Variants in EDDM3A observed in about 807,000 individuals in gnomAD.
EDDM3A encodes epididymal protein 3A.
For synonymous variants in EDDM3A, 75 were observed against 60.4 expected (o/e 1.24, Z -1.12); for missense variants, 199 against 177.4 (o/e 1.12, Z -0.69).
chr14:20,740,579 G>C, the EDDM3A span, among the ~76,000 whole-genome samples: 1 of 152,170 alleles, frequency 6.6e-6, no homozygotes, highest in Non-Finnish European at 1.5e-5. Context: ...TTACCAATTG[G>C]AAGGAGCACA....
At chr14:20,746,276 G>A (rs1275293345) in intron 1 of EDDM3A, among the ~76,000 whole-genome samples, 1 of 152,106 alleles carries the variant, frequency 6.6e-6, no homozygotes, top group Non-Finnish European at 1.5e-5. Context: ...GAGGAACCCT[G>A]TGCCTGATGT....
chr14:20,746,723 T>C (rs572326554), intron 1 of EDDM3A, among the ~76,000 whole-genome samples: 3 of 152,300 alleles, frequency 2.0e-5, no homozygotes, highest in East Asian at 3.9e-4. Flanking sequence ...GAAAGTGTTA[T>C]AAGGAAGTCA....
upstream of EDDM3A, among the ~76,000 whole-genome samples, chr14:20,745,399 G>T (rs926645022): frequency 6.6e-6 from 1 of 151,836 alleles, no homozygotes; most frequent in Non-Finnish European, 1.5e-5. Context: ...GGTGACAGGC[G>T]CCTATAGTCC....
chr14:20,737,572 C>T, the EDDM3A span, among the ~76,000 whole-genome samples: 293 of 152,180 alleles, frequency 1.9e-3, no homozygotes, highest in African/African-American at 6.3e-3. Flanking sequence ...GCATGTTTGC[C>T]GGGCTAAGGT....
intron 1 of EDDM3A, among the ~76,000 whole-genome samples, chr14:20,746,385 G>A (rs1405452277): frequency 2.0e-5 from 3 of 152,262 alleles, no homozygotes; most frequent in South Asian, 2.1e-4. Flanking sequence ...TGAGGACACC[G>A]ATACTCAGAG....
At chr14:20,739,862 A>G in the EDDM3A span, among the ~76,000 whole-genome samples, 8 of 152,036 alleles carry the variant, frequency 5.3e-5, no homozygotes, top group African/African-American at 1.9e-4. Context: ...CTGCTCCCCC[A>G]TTGTTCCTAT....
chr14:20,744,296 A>T (rs972405305), upstream of EDDM3A, among the ~76,000 whole-genome samples: 1 of 152,194 alleles, frequency 6.6e-6, no homozygotes, highest in African/African-American at 2.4e-5. Context: ...CTATTACTCA[A>T]GGACTGCTTC....
upstream of EDDM3A, among the ~76,000 whole-genome samples, chr14:20,744,566 G>A (rs1277564410): frequency 6.6e-6 from 1 of 152,200 alleles, no homozygotes; most frequent in Non-Finnish European, 1.5e-5. Context: ...TTCCGGCTGT[G>A]ATGTTAAAGG....
Position 20,745,914 on chromosome 14 carries a change from G to A in EDDM3A, c.-105G>A, listed in dbSNP as rs892131954. 5.3e-5 allele frequency: 8 copies of A among 152,276 alleles called. No homozygotes were observed. Among genetic ancestry groups the A allele is most frequent in the African/African-American group, 1.9e-4 (8 of 41,444 alleles). 9.4% of individuals were successfully genotyped at this position (152,276 alleles called of 1,614,324 possible). A position where few individuals can be genotyped will look rare whatever the true frequency, so the allele number is the denominator to read the frequency against. On this transcript the variant is annotated 5_prime_UTR_variant, in exon 1 of 2. Coordinates refer to ENST00000326842, the MANE Select transcript of EDDM3A (RefSeq NM_006683.5). ...ATTTCCAGGGCTCTGAGAAAAGGAG[G>A]AGGACGCAGACTCTGCTCTTCAGAT... is the stretch of plus-strand genomic sequence containing the variant.
At position 20,748,068 on chromosome 14, in the gene EDDM3A, T is replaced by C. The variant is rs765238392; in HGVS notation, c.*44T>C. The C allele has an allele frequency of 6.7e-7, 1 of 1,488,964 alleles. No individual in the cohort carries two copies. Among genetic ancestry groups the C allele is most frequent in the South Asian group, 1.4e-5 (1 of 73,776 alleles). 92.2% of individuals were successfully genotyped at this position (1,488,964 alleles called of 1,614,324 possible). A position where few individuals can be genotyped will look rare whatever the true frequency, so the allele number is the denominator to read the frequency against. ...CAGATATTGGTAGAGTATTCAGTGCTTCCAAAGTGGTGGGCCCTGCCTCCA... is the reference window on the plus strand; with the variant it reads ...CAGATATTGGTAGAGTATTCAGTGCCTCCAAAGTGGTGGGCCCTGCCTCCA... On this transcript the variant is annotated 3_prime_UTR_variant, in exon 2 of 2. Coordinates refer to ENST00000326842, the MANE Select transcript of EDDM3A (RefSeq NM_006683.5).
At chr14:20,738,671 C>T in the EDDM3A span, among the ~76,000 whole-genome samples, 5,938 of 152,016 alleles carry the variant, frequency 0.039, 167 homozygotes, top group Non-Finnish European at 0.058. Flanking sequence ...GTCAGATTAA[C>T]GGAAGAAAAA....
chr14:20,740,931 C>T (rs541892069), upstream of EDDM3A, among the ~76,000 whole-genome samples: 1 of 151,952 alleles, frequency 6.6e-6, no homozygotes, highest in East Asian at 1.9e-4. Flanking sequence ...TAATTACCTA[C>T]AGGAGGTGTT....
At chr14:20,744,175 T>C (rs1877516615), upstream of EDDM3A, among the ~76,000 whole-genome samples, 1 of 152,292 alleles carries the variant, frequency 6.6e-6, no homozygotes, top group East Asian at 1.9e-4. Context: ...AGGCCCAGAA[T>C]TGTTCCTGTT....
At chr14:20,740,881 G>A in the EDDM3A span, among the ~76,000 whole-genome samples, 1 of 141,200 alleles carries the variant, frequency 7.1e-6, no homozygotes, top group African/African-American at 3.2e-5. Flanking sequence ...AATTTGGCCA[G>A]GGAACCACTT....
At chr14:20,738,702 G>A in the EDDM3A span, among the ~76,000 whole-genome samples, 2 of 152,142 alleles carry the variant, frequency 1.3e-5, no homozygotes, top group Non-Finnish European at 1.5e-5. Flanking sequence ...GTGGTAACAT[G>A]TGTATCTCAC....
upstream of EDDM3A, among the ~76,000 whole-genome samples, chr14:20,742,195 G>C (rs576461518): frequency 6.6e-6 from 1 of 152,228 alleles, no homozygotes; most frequent in African/African-American, 2.4e-5. Flanking sequence ...CCTACAAGAG[G>C]TGGGTACTGA....
the EDDM3A span, among the ~76,000 whole-genome samples, chr14:20,740,715 G>A: frequency 6.6e-6 from 1 of 152,146 alleles, no homozygotes; most frequent in African/African-American, 2.4e-5. Context: ...TGTCACTGAG[G>A]CTGGAATGCA....
At chr14:20,738,363 C>T in the EDDM3A span, among the ~76,000 whole-genome samples, 1 of 151,858 alleles carries the variant, frequency 6.6e-6, no homozygotes, top group East Asian at 1.9e-4. Flanking sequence ...CCCAGCTACT[C>T]GGGGGGCTGA....
At chr14:20,737,149 G>A in the EDDM3A span, among the ~76,000 whole-genome samples, 11,792 of 151,100 alleles carry the variant, frequency 0.078, 518 homozygotes, top group Non-Finnish European at 0.089. Context: ...TGCCTCCTGG[G>A]TTCAAGCAAT....
Sources: gnomAD v4.1 joint callset for allele counts (sites outside exome capture counted in the v4.1 genomes callset) on GRCh38, gnomAD v4.1.1 for gene constraint, MANE v1.5 for transcripts, NCBI Gene and HGNC (gene_info 2026-07-23, HGNC 2026-07-21) for gene names.